Variants in GRIA3 observed in about 807,000 individuals in gnomAD.
GRIA3 encodes the protein glutamate receptor 3.
A neutral mutation model predicts 63.0 loss-of-function variants in GRIA3; 3 were observed. The ratio of observed to expected loss-of-function variants is 0.05; its 90% CI spans 0.02 to 0.12. The LOEUF is 0.12. GRIA3 is among the 10% of genes least tolerant of loss of function. The pLI is 1.00. For missense variants in GRIA3, 347 were observed against 700.9 expected, an observed-to-expected ratio of 0.50 and a Z score of 5.70; for synonymous variants, 274 against 257.9, an observed-to-expected ratio of 1.06 and a Z score of -0.60.
chrX:123,388,265 A>G (rs776785103), intron 5 of GRIA3, among the ~76,000 whole-genome samples: 49 of 110,531 alleles, frequency 4.4e-4, no homozygotes, highest in South Asian at 1.2e-3. Context: ...TTCTTTTTTG[A>G]GACAGGGCCT....
intron 2 of GRIA3, among the ~76,000 whole-genome samples, chrX:123,237,922 A>G (rs1477756001): frequency 8.9e-6 from 1 of 111,934 alleles, no homozygotes; most frequent in Non-Finnish European, 1.9e-5. Context: ...GGTCCATGCA[A>G]AAGGACTCAG....
chrX:123,300,681 C>T (rs1019952848), intron 3 of GRIA3, among the ~76,000 whole-genome samples: 5 of 108,871 alleles, frequency 4.6e-5, no homozygotes, highest in Non-Finnish European at 9.6e-5. Context: ...TTCAGTTCAG[C>T]TCTGCTTTTG....
intron 2 of GRIA3, among the ~76,000 whole-genome samples, chrX:123,195,311 C>G (rs773501462): frequency 8.9e-6 from 1 of 112,253 alleles, no homozygotes; most frequent in African/African-American, 3.2e-5. Flanking sequence ...AATATTGCCA[C>G]AAGCGAGGAA....
chrX:123,486,491 A>T (rs1475846853), intron 15 of GRIA3, among the ~76,000 whole-genome samples: 1 of 111,972 alleles, frequency 8.9e-6, no homozygotes, highest in East Asian at 2.8e-4. Context: ...AGCATCTGCA[A>T]ACAAATCTGT....
At chrX:123,461,928 G>A (rs2045794908) in intron 12 of GRIA3, among the ~76,000 whole-genome samples, 1 of 111,602 alleles carries the variant, frequency 9.0e-6, no homozygotes, top group South Asian at 3.8e-4. Context: ...AGGTTAGGTG[G>A]TTTACTGATA....
intron 3 of GRIA3, among the ~76,000 whole-genome samples, chrX:123,318,933 G>T (rs1046722278): frequency 6.2e-5 from 7 of 112,096 alleles, no homozygotes; most frequent in Non-Finnish European, 1.9e-5. Context: ...GTTCCACATG[G>T]CTGGGGAAGC....
At position 123,296,461 on chromosome X, in the gene GRIA3, T is replaced by C. The variant is rs186929685; in HGVS notation, c.509-29565T>C. Among the ~76,000 whole-genome samples the C allele has an allele frequency of 3.6e-5, 4 of 110,685 alleles. No homozygotes were observed. The Admixed American group carries it at 3.9e-4, about 11-fold the overall frequency. ...TTCCCACCCCAACCTCCACATATCATTTAAAAGCCTGTGTTTCCTTCTACT... is the reference window on the plus strand; with the variant it reads ...TTCCCACCCCAACCTCCACATATCACTTAAAAGCCTGTGTTTCCTTCTACT... On this transcript the variant is annotated intron_variant, in intron 3 of 15. Coordinates refer to ENST00000620443, the MANE Select transcript of GRIA3 (RefSeq NM_007325.5).
intron 12 of GRIA3, among the ~76,000 whole-genome samples, chrX:123,460,887 G>C (rs2045788905): frequency 8.9e-6 from 1 of 111,779 alleles, no homozygotes; most frequent in Admixed American, 9.5e-5. Flanking sequence ...TATGGAATGA[G>C]CATAAATGAC....
chrX:123,402,788 C>G (rs1381231612), intron 7 of GRIA3, among the ~76,000 whole-genome samples: 1 of 110,978 alleles, frequency 9.0e-6, no homozygotes, highest in Non-Finnish European at 1.9e-5. Flanking sequence ...TACACCTACT[C>G]AATGCTTCAA....
chrX:123,446,177 G>A (rs2045702180), intron 12 of GRIA3, among the ~76,000 whole-genome samples: 1 of 112,000 alleles, frequency 8.9e-6, no homozygotes, highest in South Asian at 3.7e-4. Context: ...GTGCCATGTT[G>A]CTAAAACAGA....
At chrX:123,420,475 GTTTC>G (rs2045558466) in intron 11 of GRIA3, among the ~76,000 whole-genome samples, 1 of 110,612 alleles carries the variant, frequency 9.0e-6, no homozygotes, top group Admixed American at 9.7e-5. Flanking sequence ...TATTTTGCTA[GTTTC>G]TTTATTTTTT....
chrX:123,312,818 T>G (rs772307011), intron 3 of GRIA3, among the ~76,000 whole-genome samples: 11 of 106,238 alleles, frequency 1.0e-4, no homozygotes, highest in Non-Finnish European at 1.8e-4. Context: ...GAAACTTTGT[T>G]TTACATTAAT....
At chrX:123,374,790 A>G (rs2045273283) in intron 5 of GRIA3, among the ~76,000 whole-genome samples, 1 of 112,066 alleles carries the variant, frequency 8.9e-6, no homozygotes, top group Non-Finnish European at 1.9e-5. Flanking sequence ...CAATCATGCC[A>G]TCTGCAAACA....
intron 2 of GRIA3, among the ~76,000 whole-genome samples, chrX:123,217,488 G>T (rs892888701): frequency 8.1e-5 from 9 of 111,509 alleles, no homozygotes; most frequent in African/African-American, 2.9e-4. Flanking sequence ...AATGCCAGCC[G>T]ACCAGGCATT....
chrX:123,337,181 T>C (rs948704031), intron 4 of GRIA3, among the ~76,000 whole-genome samples: 9 of 111,938 alleles, frequency 8.0e-5, no homozygotes, highest in Non-Finnish European at 1.5e-4. Flanking sequence ...TGTTTGTCTT[T>C]GACAGTATAA....
intron 2 of GRIA3, among the ~76,000 whole-genome samples, chrX:123,231,390 T>A (rs1049653234): frequency 9.0e-6 from 1 of 111,229 alleles, no homozygotes; most frequent in Non-Finnish European, 1.9e-5. Context: ...GGGACTAGAA[T>A]CCAGAGCTCT....
intron 12 of GRIA3, among the ~76,000 whole-genome samples, chrX:123,445,451 T>C (rs929142626): frequency 6.2e-5 from 7 of 112,341 alleles, no homozygotes; most frequent in African/African-American, 2.3e-4. Flanking sequence ...ACAGTATCCA[T>C]TGTACCAGGA....
intron 3 of GRIA3, among the ~76,000 whole-genome samples, chrX:123,274,608 G>A (rs1195994092): frequency 8.9e-6 from 1 of 112,205 alleles, no homozygotes; most frequent in African/African-American, 3.2e-5. Flanking sequence ...AATGAAAAAG[G>A]AACATGTTTT....
At chrX:123,358,106 C>T (rs1657961269) in intron 5 of GRIA3, among the ~76,000 whole-genome samples, 1 of 110,226 alleles carries the variant, frequency 9.1e-6, no homozygotes, top group African/African-American at 3.3e-5. Context: ...GACAGAGAAC[C>T]AAAACTATTT....
Sources: gnomAD v4.1 joint callset for allele counts (sites outside exome capture counted in the v4.1 genomes callset) on GRCh38, gnomAD v4.1.1 for gene constraint, MANE v1.5 for transcripts, NCBI Gene and HGNC (gene_info 2026-07-23, HGNC 2026-07-21) for gene names.